Variants in IYD observed in about 807,000 individuals in gnomAD.
IYD encodes the protein iodotyrosine deiodinase 1.
Under a neutral mutation model 28.4 loss-of-function variants are expected in IYD, and 25 were observed. The observed-to-expected ratio is 0.88, with a 90% CI of 0.64 to 1.23. The LOEUF is 1.23. IYD is among the 50% of genes most tolerant of loss of function. The pLI, the probability that IYD is intolerant of heterozygous loss-of-function variation, is 0.00. For missense variants in IYD, 352 were observed against 357.9 expected (o/e 0.98, Z 0.13); for synonymous variants, 140 against 130.8 (o/e 1.07, Z -0.48).
chr6:150,372,385 T>C (rs1171548351), intron 1 of IYD, among the ~76,000 whole-genome samples: 9 of 38,666 alleles, frequency 2.3e-4, no homozygotes, highest in Non-Finnish European at 2.3e-4. Flanking sequence ...TGTGTGGGGG[T>C]GGGGTGGGGA....
intron 1 of IYD, among the ~76,000 whole-genome samples, chr6:150,380,620 C>A (rs1777612977): frequency 6.6e-6 from 1 of 152,204 alleles, no homozygotes; most frequent in Non-Finnish European, 1.5e-5. Flanking sequence ...AAAGATTTGA[C>A]AATCCCCACA....
chr6:150,397,626 C>T (rs1778373738), intron 4 of IYD, among the ~76,000 whole-genome samples: 1 of 150,660 alleles, frequency 6.6e-6, no homozygotes, highest in Admixed American at 6.6e-5. Flanking sequence ...AATTATGTCG[C>T]ATTTGGGCTA....
rs1308999384 is a variant in IYD at position 150,370,293 on chromosome 6, G to A, written c.178+1084G>A. ...TGAGTGTTCATTAATGTGCATGTGT[G>A]AGTGTGTGTGCATGAGTGTGTGTGC... On this transcript the variant is annotated intron_variant, in intron 1 of 4. Coordinates refer to ENST00000344419, the MANE Select transcript of IYD (RefSeq NM_203395.3). 4.8e-5 allele frequency among the ~76,000 whole-genome samples: 7 copies of A among 145,314 alleles called. No individual in the cohort carries two copies. In the East Asian group the frequency reaches 1.5e-3, roughly 32 times the overall value.
chr6:150,394,431 A>C (rs922450689), intron 4 of IYD, among the ~76,000 whole-genome samples, 176 bp downstream of exon 4: 1 of 152,192 alleles, frequency 6.6e-6, no homozygotes, highest in African/African-American at 2.4e-5. Flanking sequence ...TGGTTCAGCA[A>C]GCTGGGAATT....
intron 4 of IYD, among the ~76,000 whole-genome samples, chr6:150,394,727 G>A (rs776954325): frequency 2.6e-5 from 4 of 152,334 alleles, no homozygotes; most frequent in South Asian, 2.1e-4. Flanking sequence ...GCATAGGAAC[G>A]AGAGCAATGC....
rs1778578075 is a variant in IYD, at chr6:150,403,906, A to G, written c.*5669A>G. 2 of 152,230 alleles carry G rather than the reference A, an allele frequency of 1.3e-5. No individual in the cohort carries two copies. Among genetic ancestry groups the G allele is most frequent in the Non-Finnish European group, 1.5e-5 (1 of 68,038 alleles). The allele number at this position is 152,230 out of a possible 1,614,324, so 9.4% of individuals were successfully genotyped here. A position where few individuals can be genotyped will look rare whatever the true frequency, so the allele number is the denominator to read the frequency against. ...CAATGAGATCATAAAGGAAGTTGTT[A>G]GCTAACCTAGGTGGAGTCGCCAACT... On this transcript the variant is annotated 3_prime_UTR_variant, in exon 5 of 5. Transcript: ENST00000344419.
chr6:150,383,393 T>C (rs1777724118), intron 1 of IYD, among the ~76,000 whole-genome samples: 1 of 152,204 alleles, frequency 6.6e-6, no homozygotes, highest in Admixed American at 6.5e-5. Flanking sequence ...CATAATACTC[T>C]GGGCATTTGA....
Position 150,398,284 on chromosome 6 carries a change from C to T in IYD, c.*47C>T, listed in dbSNP as rs1367817928. On this transcript the variant is annotated 3_prime_UTR_variant, in exon 5 of 5. Transcript: ENST00000344419. ...GCAGGGAGATGGCGCCCCTGCTTTT[C>T]CCTGAGCCTCTCGCCTGCTCCTCTT... 9.5e-6 allele frequency: 15 copies of T among 1,580,448 alleles called. No individual in the cohort carries two copies. The South Asian group carries it at 1.3e-4, about 14-fold the overall frequency.
At position 150,389,573 on chromosome 6, in the gene IYD, A is replaced by G. The variant is rs958633979; in HGVS notation, c.370+30A>G. 6 of 1,581,352 alleles carry G rather than the reference A, an allele frequency of 3.8e-6. No homozygotes were observed. In the African/African-American group the frequency reaches 8.1e-5, roughly 21 times the overall value. ...GTAATTGCAGATGGGGTCTTTGGAA[A>G]TGTTAGTCACCTTACTGGTGTGACT... On this transcript the variant is annotated intron_variant, in intron 2 of 4. Transcript: ENST00000344419.
rs2115070649 is a variant in IYD at position 150,400,668 on chromosome 6, T to A, written c.*2431T>A. 1 of 152,322 alleles carries A rather than the reference T, an allele frequency of 6.6e-6. No homozygotes were observed. The highest frequency in any genetic ancestry group is 6.5e-5 in the Admixed American group (1 of 15,292). 9.4% of individuals were successfully genotyped at this position (152,322 alleles called of 1,614,324 possible). On this transcript the variant is annotated 3_prime_UTR_variant, in exon 5 of 5. Coordinates refer to ENST00000344419, the MANE Select transcript of IYD (RefSeq NM_203395.3). The stretch of plus-strand genomic sequence containing the variant: ...AGGGGGACTGTCTTGTCCTTGCTAC[T>A]CAAAGAGTGGTCCTGGGCCTGTATC...
At chr6:150,394,051 A>G in intron 3 of IYD, 48 bp from the exon 4 acceptor site, 1 of 1,591,242 alleles carries the variant, frequency 6.3e-7, no homozygotes, top group Non-Finnish European at 8.6e-7. Flanking sequence ...GTAAAAGAGA[A>G]CAAAAAATAT....
intron 1 of IYD, 89 bp from the exon 2 acceptor site, chr6:150,389,263 C>T (rs1458439452): frequency 3.2e-6 from 3 of 923,086 alleles, no homozygotes; most frequent in African/African-American, 3.3e-5. Flanking sequence ...TAACCTTACA[C>T]ATTTAAGCAC....
In IYD at chr6:150,394,184, A is replaced by G; in HGVS notation, c.616A>G (p.Lys206Glu). The G allele has an allele frequency of 6.2e-7, 1 of 1,614,198 alleles. No individual in the cohort carries two copies. The highest frequency in any genetic ancestry group is 8.5e-7 in the Non-Finnish European group (1 of 1,180,032). The change falls in exon 4 of 5, where the codon AAG becomes GAG. Residue 206 changes from lysine to glutamate, a missense_variant. Coordinates refer to ENST00000344419, the MANE Select transcript of IYD (RefSeq NM_203395.3). Reference protein sequence around the residue: ...KQVHGFAANGKKKVHYYNEIS... With the variant: ...KQVHGFAANGEKKVHYYNEIS... ...AGTACATGGTTTCGCCGCAAATGGC[A>G]AGAAAAAAGTCCACTACTACAATGA...
At chr6:150,370,075 A>T (rs1199387516) in intron 1 of IYD, 1 of 701,554 alleles carries the variant, frequency 1.4e-6, no homozygotes, top group Non-Finnish European at 2.6e-6. Flanking sequence ...TTTGTCTGGG[A>T]TGGGTTCGAT....
At position 150,394,235 on chromosome 6, in the gene IYD, A is replaced by G; in HGVS notation, c.667A>G (p.Ile223Val). ...GATCAGTGTTTCCATCGCTTGTGGC[A>G]TCCTGCTAGCTGCCCTGCAGGTATG... ...NEISVSIACG[I>V]LLAALQNAGL... Residue 223 changes from isoleucine (I) to valine (V), a missense_variant, in exon 4 of 5, where the codon ATC becomes GTC. Physicochemically the swap from Ile to Val is conservative, Grantham distance 29 (BLOSUM62 3). Transcript: ENST00000344419. 6.2e-7 allele frequency: 1 copy of G among 1,614,220 alleles called. No individual in the cohort carries two copies. Among genetic ancestry groups the G allele is most frequent in the Non-Finnish European group, 8.5e-7 (1 of 1,180,036 alleles).
Position 150,401,933 on chromosome 6 carries a change from C to T in IYD, c.*3696C>T, listed in dbSNP as rs1778521136. ...CCTCATACTTGCTGGCATCCCTCAT[C>T]TGGTGGTCTGTTAAAGCACAGATTG... On this transcript the variant is annotated 3_prime_UTR_variant, in exon 5 of 5. Coordinates refer to ENST00000344419, the MANE Select transcript of IYD (RefSeq NM_203395.3). 6.6e-6 allele frequency: 1 copy of T among 152,222 alleles called. No individual in the cohort carries two copies. The highest frequency in any genetic ancestry group is 1.5e-5 in the Non-Finnish European group (1 of 68,048). 9.4% of individuals were successfully genotyped at this position (152,222 alleles called of 1,614,324 possible). A position where few individuals can be genotyped will look rare whatever the true frequency, so the allele number is the denominator to read the frequency against.
In IYD at chr6:150,372,695, T is replaced by G. The variant is rs193156958; in HGVS notation, c.178+3486T>G. On this transcript the variant is annotated intron_variant, in intron 1 of 4. Coordinates refer to ENST00000344419, the MANE Select transcript of IYD (RefSeq NM_203395.3). ...TCCATGCTTATTAGACATGTGTGTGTGGGGGTGTGTTGGGGGTGGTGAGGG... is the reference window on the plus strand; with the variant it reads ...TCCATGCTTATTAGACATGTGTGTGGGGGGGTGTGTTGGGGGTGGTGAGGG... Among the ~76,000 whole-genome samples, 508 of 68,766 alleles carry G rather than the reference T, an allele frequency of 7.4e-3. 12 individuals are homozygous for G. The highest frequency in any genetic ancestry group is 0.031 in the African/African-American group (474 of 15,258). 45.1% of individuals were successfully genotyped at this position (68,766 alleles called of 152,430 possible). A position where few individuals can be genotyped will look rare whatever the true frequency, so the allele number is the denominator to read the frequency against.
At chr6:150,392,627 G>T in intron 3 of IYD, 123 bp downstream of exon 3, 1 of 1,045,266 alleles carries the variant, frequency 9.6e-7, no homozygotes. Flanking sequence ...CCTCTTGGAG[G>T]AATTACGGAA....
At chr6:150,392,611 A>G in intron 3 of IYD, 107 bp downstream of exon 3, 1 of 1,178,160 alleles carries the variant, frequency 8.5e-7, no homozygotes, top group South Asian at 1.3e-5. Context: ...GCTTGATTCT[A>G]TTCTGCCTCT....
Sources: gnomAD v4.1 joint callset for allele counts (sites outside exome capture counted in the v4.1 genomes callset) on GRCh38, gnomAD v4.1.1 for gene constraint, MANE v1.5 for transcripts, NCBI Gene and HGNC (gene_info 2026-07-23, HGNC 2026-07-21) for gene names.